The following NRXN1 variants were observed in gnomAD, a reference collection of about 807,000 sequenced individuals.
NRXN1 encodes neurexin-1.
NRXN1 carries 39 observed loss-of-function variants against 150.9 expected under a neutral mutation model. The ratio of observed to expected loss-of-function variants is 0.26; its 90% CI spans 0.20 to 0.34. The LOEUF is 0.34. Among genes scored for constraint, NRXN1 ranks in the 10% least tolerant of loss-of-function variants. The probability of loss-of-function intolerance (pLI) is 1.00; values close to 1 mark genes in which losing one functional copy is unlikely to be tolerated. For synonymous variants in NRXN1, 924 were observed against 757.0 expected (o/e 1.22, Z -3.62); for missense variants, 1,815 against 1,949.9 (o/e 0.93, Z 1.30).
intron 2 of NRXN1, among the ~76,000 whole-genome samples, chr2:51,012,511 T>C (rs1451030015): frequency 6.6e-6 from 1 of 152,072 alleles, no homozygotes; most frequent in Non-Finnish European, 1.5e-5. Context: ...TTATTACAGA[T>C]CTTCATATAC....
intron 21 of NRXN1, among the ~76,000 whole-genome samples, chr2:49,975,938 A>G (rs776476748): frequency 2.1e-4 from 32 of 152,156 alleles, no homozygotes; most frequent in Non-Finnish European, 3.1e-4. Context: ...AAGCCATAAA[A>G]TTTAAATTGT....
intron 18 of NRXN1, among the ~76,000 whole-genome samples, chr2:50,187,525 T>C (rs1400250599): frequency 1.3e-5 from 2 of 152,270 alleles, no homozygotes; most frequent in East Asian, 3.9e-4. Context: ...GGTAGCATGA[T>C]GCCTCCAGCT....
chr2:50,132,646 G>C (rs1041386285), intron 18 of NRXN1, among the ~76,000 whole-genome samples: 6 of 151,858 alleles, frequency 4.0e-5, no homozygotes, highest in African/African-American at 1.5e-4. Flanking sequence ...ATGTGAATTG[G>C]GGGAGGACAG....
At chr2:50,918,643 A>G (rs1685560531) in intron 5 of NRXN1, 2 of 368,814 alleles carry the variant, frequency 5.4e-6, no homozygotes, top group East Asian at 7.4e-5. Flanking sequence ...CCATTAAAGT[A>G]AAATATAAAT....
At chr2:50,889,057 C>T (rs1381467686) in intron 5 of NRXN1, among the ~76,000 whole-genome samples, 1 of 151,678 alleles carries the variant, frequency 6.6e-6, no homozygotes, top group East Asian at 1.9e-4. Flanking sequence ...ACACAGACAG[C>T]ATATTTTCAT....
intron 17 of NRXN1, among the ~76,000 whole-genome samples, chr2:50,395,348 A>C (rs1278428222): frequency 6.6e-6 from 1 of 151,562 alleles, no homozygotes; most frequent in East Asian, 2.0e-4. Flanking sequence ...GCTGTTTAGG[A>C]ACCCAACAAA....
rs1337445839 is a variant in NRXN1, at chr2:50,755,539, T to C, written c.833-131924A>G. ...AGCCTGTGATCCACAAAAGACAGGA[T>C]AGATTTTTATTACCTGCTGTAATTA... On this transcript the variant is annotated intron_variant, in intron 5 of 22. Transcript: ENST00000401669. 2.6e-5 allele frequency among the ~76,000 whole-genome samples: 4 copies of C among 151,764 alleles called. No homozygotes were observed. In the South Asian group the frequency reaches 6.2e-4, roughly 24 times the overall value.
intron 4 of NRXN1, among the ~76,000 whole-genome samples, chr2:50,922,091 A>T (rs1686130069): frequency 6.6e-6 from 1 of 151,898 alleles, no homozygotes; most frequent in Non-Finnish European, 1.5e-5. Context: ...AGGCAAGTAC[A>T]TGCAAAAAAC....
intron 8 of NRXN1, among the ~76,000 whole-genome samples, chr2:50,594,088 G>T (rs187659160): frequency 1.7e-4 from 26 of 152,228 alleles, no homozygotes; most frequent in African/African-American, 5.5e-4. Flanking sequence ...CACCATGATT[G>T]TAAGTTTCCT....
At chr2:50,348,536 C>T (rs1032049160) in intron 17 of NRXN1, among the ~76,000 whole-genome samples, 4 of 152,212 alleles carry the variant, frequency 2.6e-5, no homozygotes, top group African/African-American at 4.8e-5. Context: ...TTCTCTCATC[C>T]TGTCTTATAA....
chr2:50,113,859 T>C (rs1702687273), intron 18 of NRXN1, among the ~76,000 whole-genome samples: 1 of 152,168 alleles, frequency 6.6e-6, no homozygotes, highest in Non-Finnish European at 1.5e-5. Context: ...AAATGACTTC[T>C]ATTGAACACT....
In NRXN1 at chr2:50,472,484, C is replaced by G. The variant is rs202211056; in HGVS notation, c.3071-13G>C. The G allele has an allele frequency of 1.6e-5, 25 of 1,605,540 alleles. No homozygotes were observed. Among genetic ancestry groups the G allele is most frequent in the Non-Finnish European group, 2.0e-5 (24 of 1,174,522 alleles). Reference sequence around the variant, plus strand: ...ATATATAAGTCACCTGCAAGAAGATCAAAGTCTTTGTTACAAAAGTACCAT... The same window carrying G: ...ATATATAAGTCACCTGCAAGAAGATGAAAGTCTTTGTTACAAAAGTACCAT... On this transcript the variant is annotated splice_polypyrimidine_tract_variant and intron_variant, in intron 15 of 22. Coordinates refer to ENST00000401669, the MANE Select transcript of NRXN1 (RefSeq NM_001330078.2).
intron 17 of NRXN1, among the ~76,000 whole-genome samples, chr2:50,439,913 T>A (rs965236712): frequency 1.3e-5 from 2 of 152,230 alleles, no homozygotes. Flanking sequence ...TTAAAAGAAT[T>A]ACTCAAAATA....
At position 50,754,257 on chromosome 2, in the gene NRXN1, T is replaced by C. The variant is rs1024003049; in HGVS notation, c.833-130642A>G. Among the ~76,000 whole-genome samples the C allele has an allele frequency of 3.9e-5, 6 of 151,988 alleles. No homozygotes were observed. The South Asian group carries it at 6.2e-4, about 16-fold the overall frequency. On this transcript the variant is annotated intron_variant, in intron 5 of 22. Transcript: ENST00000401669. ...GATCTCACTTATAAATGATTTTATATTACACTATGCTCCTAGTTCATGATA... is the reference window on the plus strand; with the variant it reads ...GATCTCACTTATAAATGATTTTATACTACACTATGCTCCTAGTTCATGATA...
chr2:50,021,537 A>G (rs1687567410), intron 21 of NRXN1, among the ~76,000 whole-genome samples: 1 of 152,178 alleles, frequency 6.6e-6, no homozygotes, highest in African/African-American at 2.4e-5. Context: ...TCCCGTTGAG[A>G]AATAGTGAAG....
chr2:50,446,460 T>G (rs2086411547), intron 17 of NRXN1, among the ~76,000 whole-genome samples: 1 of 131,728 alleles, frequency 7.6e-6, no homozygotes, highest in African/African-American at 2.8e-5. Context: ...TCCTTTCCCC[T>G]GTTCCTCCCT....
At chr2:49,954,662 T>C (rs534992252) in intron 21 of NRXN1, among the ~76,000 whole-genome samples, 3 of 152,266 alleles carry the variant, frequency 2.0e-5, no homozygotes, top group African/African-American at 7.2e-5. Flanking sequence ...GTGGTTGTAT[T>C]TGTAGTTATA....
chr2:50,592,642 A>G (rs1278793987), intron 8 of NRXN1, among the ~76,000 whole-genome samples: 1 of 152,226 alleles, frequency 6.6e-6, no homozygotes, highest in African/African-American at 2.4e-5. Context: ...ACACAGGGTA[A>G]TGAAGGCTAT....
chr2:50,485,599 G>A (rs2090813301), intron 15 of NRXN1, among the ~76,000 whole-genome samples: 1 of 152,190 alleles, frequency 6.6e-6, no homozygotes, highest in South Asian at 2.1e-4. Context: ...CCAAGGTTGA[G>A]GGGACAAAGG....
Sources: gnomAD v4.1 joint callset for allele counts (sites outside exome capture counted in the v4.1 genomes callset) on GRCh38, gnomAD v4.1.1 for gene constraint, MANE v1.5 for transcripts, NCBI Gene and HGNC (gene_info 2026-07-23, HGNC 2026-07-21) for gene names.